Variants in SETBP1 observed in about 807,000 individuals in gnomAD.
SETBP1 encodes SET-binding protein.
A neutral mutation model predicts 101.0 loss-of-function variants in SETBP1; 9 were observed. That is an observed-to-expected ratio of 0.09 (90% CI 0.05 to 0.16). The LOEUF is 0.16. Among genes scored for constraint, SETBP1 ranks in the 10% least tolerant of loss-of-function variants. The pLI, the probability that SETBP1 is intolerant of heterozygous loss-of-function variation, is 1.00. For synonymous variants in SETBP1, 818 were observed against 788.5 expected (o/e 1.04, Z -0.63); for missense variants, 1,858 against 2,033.8 (o/e 0.91, Z 1.66).
chr18:44,770,619 A>C (rs928767125), intron 2 of SETBP1, among the ~76,000 whole-genome samples: 10 of 152,184 alleles, frequency 6.6e-5, no homozygotes, highest in African/African-American at 2.2e-4. Context: ...TGCCAGAGCA[A>C]AACATTTTTC....
chr18:44,752,907 C>G (rs920650114), intron 2 of SETBP1, among the ~76,000 whole-genome samples: 2 of 152,120 alleles, frequency 1.3e-5, no homozygotes, highest in Admixed American at 6.6e-5. Flanking sequence ...CTTGGAAGAG[C>G]TTACAACATT....
chr18:44,837,147 A>G (rs564141265), intron 2 of SETBP1, among the ~76,000 whole-genome samples: 5 of 152,190 alleles, frequency 3.3e-5, no homozygotes, highest in Non-Finnish European at 5.9e-5. Context: ...AGAGCCAAGG[A>G]TACAAGTCCC....
At chr18:44,805,128 A>C (rs1196069098) in intron 2 of SETBP1, among the ~76,000 whole-genome samples, 1 of 152,118 alleles carries the variant, frequency 6.6e-6, no homozygotes, top group Non-Finnish European at 1.5e-5. Flanking sequence ...CATACAACTA[A>C]AGTCTAAGGA....
rs577973186 is a variant in SETBP1 at position 44,902,174 on chromosome 18, T to G, written c.540+32891T>G. 3.3e-5 allele frequency among the ~76,000 whole-genome samples: 5 copies of G among 152,210 alleles called. No homozygotes were observed. In the East Asian group the frequency reaches 9.7e-4, roughly 29 times the overall value. Reference sequence around the variant, plus strand: ...ACAGTGCAGGTGTGTAATAGTGCCATCATTTGAACAGCACTGCCCTAGAAC... The same window carrying G: ...ACAGTGCAGGTGTGTAATAGTGCCAGCATTTGAACAGCACTGCCCTAGAAC... On this transcript the variant is annotated intron_variant, in intron 3 of 5. Transcript: ENST00000649279.
chr18:44,998,893 T>C (rs2072557202), intron 4 of SETBP1, among the ~76,000 whole-genome samples: 1 of 152,238 alleles, frequency 6.6e-6, no homozygotes, highest in African/African-American at 2.4e-5. Flanking sequence ...GTTTGATGGC[T>C]TGATGAGCAA....
intron 5 of SETBP1, among the ~76,000 whole-genome samples, chr18:45,053,943 C>G (rs1475204496): frequency 6.6e-6 from 1 of 152,156 alleles, no homozygotes; most frequent in African/African-American, 2.4e-5. Flanking sequence ...GGTGCAACCA[C>G]CCCCACTGTG....
In SETBP1 at chr18:44,950,457, T is replaced by C. The variant is rs1407088396; in HGVS notation, c.1117T>C (p.Ser373Pro). The change falls in exon 4 of 6, where the codon TCC (serine) becomes CCC (proline). Residue 373 changes from serine to proline, a missense_variant. Transcript: ENST00000649279. ...DNTEGKREGY[S>P]ADSAQEASPA... ...TACAGAAGGGAAAAGGGAAGGTTAT[T>C]CCGCAGATAGTGCCCAAGAGGCATC... The C allele has an allele frequency of 1.2e-6, 2 of 1,614,012 alleles. No homozygotes were observed. The highest frequency in any genetic ancestry group is 2.2e-5 in the East Asian group (1 of 44,868).
intron 4 of SETBP1, among the ~76,000 whole-genome samples, chr18:45,023,381 G>C (rs1001690800): frequency 1.3e-5 from 2 of 152,094 alleles, no homozygotes; most frequent in Admixed American, 1.3e-4. Flanking sequence ...CCAGCATCTT[G>C]TTTCATCAAC....
chr18:44,955,151 TG>T (rs2071454883), intron 4 of SETBP1, among the ~76,000 whole-genome samples: 1 of 152,252 alleles, frequency 6.6e-6, no homozygotes, highest in South Asian at 2.1e-4. Flanking sequence ...TGCTGAGTGC[TG>T]GTTGACTTCA....
chr18:44,859,147 T>A (rs567332962), intron 2 of SETBP1, among the ~76,000 whole-genome samples: 24 of 152,180 alleles, frequency 1.6e-4, no homozygotes, highest in Non-Finnish European at 3.4e-4. Context: ...ATTAACAATG[T>A]TCATAGCAGT....
At chr18:45,042,034 C>G (rs546044642) in intron 5 of SETBP1, among the ~76,000 whole-genome samples, 1 of 151,932 alleles carries the variant, frequency 6.6e-6, no homozygotes, top group Non-Finnish European at 1.5e-5. Flanking sequence ...AGTACATGCT[C>G]AGTAAATAAT....
At chr18:44,725,402 G>A (rs190934025) in intron 2 of SETBP1, among the ~76,000 whole-genome samples, 5 of 152,234 alleles carry the variant, frequency 3.3e-5, no homozygotes, top group Admixed American at 2.6e-4. Flanking sequence ...AAACTGGGTT[G>A]GGGGGTGTGT....
At chr18:44,756,951 G>A (rs1050694895) in intron 2 of SETBP1, among the ~76,000 whole-genome samples, 1 of 152,088 alleles carries the variant, frequency 6.6e-6, no homozygotes, top group Non-Finnish European at 1.5e-5. Flanking sequence ...TGACATTACC[G>A]GTTCACAAAT....
At chr18:44,812,914 C>T (rs1416354329) in intron 2 of SETBP1, among the ~76,000 whole-genome samples, 1 of 152,140 alleles carries the variant, frequency 6.6e-6, no homozygotes, top group African/African-American at 2.4e-5. Flanking sequence ...ACCTCACAGG[C>T]CAGAAGTGTT....
chr18:44,924,757 C>T (rs1489244095), intron 3 of SETBP1, among the ~76,000 whole-genome samples: 2 of 152,186 alleles, frequency 1.3e-5, no homozygotes, highest in Non-Finnish European at 2.9e-5. Context: ...AACAAATAGA[C>T]TCCCAAACCA....
In SETBP1 at chr18:45,043,965, G is replaced by A. The variant is rs111644623; in HGVS notation, c.4171+5310G>A. ...GCTGCCATCTGTGGGAAGGGGCCCA[G>A]AATAAGGAAGTAATATCCAGCTACA... On this transcript the variant is annotated intron_variant, in intron 5 of 5. Coordinates refer to ENST00000649279, the MANE Select transcript of SETBP1 (RefSeq NM_015559.3). Among the ~76,000 whole-genome samples the A allele has an allele frequency of 3.2e-3, 482 of 152,304 alleles. 5 individuals carry two copies. The highest frequency in any genetic ancestry group is 5.7e-3 in the Non-Finnish European group (391 of 68,036).
chr18:44,767,379 G>A (rs2070782388), intron 2 of SETBP1, among the ~76,000 whole-genome samples: 1 of 152,204 alleles, frequency 6.6e-6, no homozygotes. Context: ...TTATGTGGGA[G>A]TAAATTGAGT....
At chr18:44,847,996 C>A (rs946619400) in intron 2 of SETBP1, among the ~76,000 whole-genome samples, 1 of 152,062 alleles carries the variant, frequency 6.6e-6, no homozygotes, top group African/African-American at 2.4e-5. Flanking sequence ...ATCTTAATGA[C>A]CCTGGAAACT....
intron 1 of SETBP1, among the ~76,000 whole-genome samples, chr18:44,699,669 G>T (rs55684846): frequency 0.079 from 11,985 of 152,190 alleles, 505 homozygotes; most frequent in South Asian, 0.099. Flanking sequence ...AGCTGTATTC[G>T]TTGAATCTTC....
Sources: allele counts gnomAD v4.1 joint callset (sites outside exome capture counted in the v4.1 genomes callset), GRCh38; gene constraint gnomAD v4.1.1; transcripts MANE v1.5; gene names NCBI Gene and HGNC (gene_info 2026-07-23, HGNC 2026-07-21).